The following IL13RA1 variants were observed in gnomAD, a reference collection of about 807,000 sequenced individuals.
IL13RA1 encodes interleukin-13 receptor subunit alpha-1.
Under a neutral mutation model 33.8 loss-of-function variants are expected in IL13RA1, and 14 were observed. The observed-to-expected ratio is 0.41, with a 90% confidence interval of 0.27 to 0.65. The LOEUF (loss-of-function observed/expected upper bound fraction) is 0.65, where lower values mean the gene tolerates loss of function less well. Among genes scored for constraint, IL13RA1 ranks in the 30% least tolerant of loss-of-function variants. The pLI is 0.28. For synonymous variants in IL13RA1, 116 were observed against 115.7 expected, an observed-to-expected ratio of 1.00 and a Z score of -0.02; for missense variants, 313 against 327.0, an observed-to-expected ratio of 0.96 and a Z score of 0.33.
chrX:118,749,823 G>C, intron 4 of IL13RA1, 45 bp downstream of exon 4: 1 of 943,351 alleles, frequency 1.1e-6, no homozygotes, highest in Non-Finnish European at 1.5e-6. Context: ...TTGTAATTGT[G>C]TTGGGAGCCT....
chrX:118,774,497 C>T (rs1246055814), intron 9 of IL13RA1, among the ~76,000 whole-genome samples: 2 of 112,179 alleles, frequency 1.8e-5, no homozygotes, highest in African/African-American at 6.5e-5. Context: ...TTTTCCAGGG[C>T]TCCCTGCTCA....
At chrX:118,804,237 G>A in the IL13RA1 span, among the ~76,000 whole-genome samples, 5 of 110,704 alleles carry the variant, frequency 4.5e-5, no homozygotes, top group Non-Finnish European at 7.5e-5. Flanking sequence ...GATTACAGGC[G>A]TCAGCCACAG....
At chrX:118,754,708 C>A (rs2017507779) in intron 4 of IL13RA1, among the ~76,000 whole-genome samples, 1 of 109,793 alleles carries the variant, frequency 9.1e-6, no homozygotes, top group South Asian at 3.9e-4. Flanking sequence ...AGTCAGTACA[C>A]AGCGCTGGCC....
chrX:118,800,907 C>T, the IL13RA1 span, among the ~76,000 whole-genome samples: 5 of 111,868 alleles, frequency 4.5e-5, no homozygotes, highest in Non-Finnish European at 9.4e-5. Flanking sequence ...CTACCTCAGC[C>T]TTCCGAGTAG....
intron 1 of IL13RA1, among the ~76,000 whole-genome samples, chrX:118,734,189 T>C (rs1569453838): frequency 8.9e-6 from 1 of 112,546 alleles, no homozygotes; most frequent in Non-Finnish European, 1.9e-5. Flanking sequence ...ATTGAATCTA[T>C]ATATCACTTT....
intron 4 of IL13RA1, among the ~76,000 whole-genome samples, chrX:118,755,722 A>G (rs1442284037): frequency 8.9e-6 from 1 of 112,389 alleles, no homozygotes; most frequent in East Asian, 2.8e-4. Flanking sequence ...TCCTTTCATC[A>G]TTAAAAACAA....
Position 118,776,415 on chromosome X carries a change from G to A in IL13RA1, c.1107-12G>A. 1 of 804,482 alleles carries A rather than the reference G, an allele frequency of 1.2e-6. No individual in the cohort carries two copies. The highest frequency in any genetic ancestry group is 1.9e-6 in the Non-Finnish European group (1 of 531,806). The allele number at this position is 804,482 out of a possible 1,213,427, so 66.3% of individuals were successfully genotyped here. Reference sequence around the variant, plus strand: ...TGGAAGGTTTGAATCAAATGTCTCTGTTTTCTTAAAGGCTCAAGATTATTA... The same window carrying A: ...TGGAAGGTTTGAATCAAATGTCTCTATTTTCTTAAAGGCTCAAGATTATTA... On this transcript the variant is annotated splice_polypyrimidine_tract_variant and intron_variant, in intron 9 of 10. Coordinates refer to ENST00000371666, the MANE Select transcript of IL13RA1 (RefSeq NM_001560.3).
intron 1 of IL13RA1, among the ~76,000 whole-genome samples, chrX:118,740,364 A>G (rs1156277327): frequency 8.9e-6 from 1 of 112,238 alleles, no homozygotes; most frequent in East Asian, 2.8e-4. Flanking sequence ...ACTCTTCTCT[A>G]TGGAAGTGGT....
At chrX:118,777,680 C>T (rs2017801053) in intron 10 of IL13RA1, among the ~76,000 whole-genome samples, 1 of 111,651 alleles carries the variant, frequency 9.0e-6, no homozygotes, top group Non-Finnish European at 1.9e-5. Context: ...AGCAGCCCTA[C>T]CCCAACTGTT....
At chrX:118,750,163 G>A (rs2017455743) in intron 4 of IL13RA1, among the ~76,000 whole-genome samples, 1 of 110,817 alleles carries the variant, frequency 9.0e-6, no homozygotes, top group Non-Finnish European at 1.9e-5. Flanking sequence ...GTAGTTGTAT[G>A]CAATTTTATC....
chrX:118,733,202 AT>A (rs1227954212), intron 1 of IL13RA1, among the ~76,000 whole-genome samples: 2 of 111,958 alleles, frequency 1.8e-5, no homozygotes, highest in Non-Finnish European at 3.8e-5. Context: ...TCTATTTGTA[AT>A]TTTTTTGAGG....
intron 10 of IL13RA1, among the ~76,000 whole-genome samples, chrX:118,784,120 T>C (rs1345009518): frequency 5.4e-5 from 1 of 18,543 alleles, no homozygotes; most frequent in African/African-American, 1.9e-4. Flanking sequence ...CGTATATATG[T>C]ATATATATGT....
chrX:118,750,109 A>G (rs967799180), intron 4 of IL13RA1, among the ~76,000 whole-genome samples: 2 of 111,469 alleles, frequency 1.8e-5, no homozygotes, highest in African/African-American at 6.5e-5. Flanking sequence ...CAAAAACCTC[A>G]GTCCTATTTC....
At chrX:118,797,042 G>A (rs1424234539), downstream of IL13RA1, among the ~76,000 whole-genome samples, 1 of 111,918 alleles carries the variant, frequency 8.9e-6, no homozygotes, top group East Asian at 2.8e-4. Context: ...CTCTGTCTGG[G>A]TCTGTTTCCC....
At chrX:118,771,135 C>G (rs1003450400) in intron 8 of IL13RA1, among the ~76,000 whole-genome samples, 3 of 111,948 alleles carry the variant, frequency 2.7e-5, no homozygotes, top group African/African-American at 9.8e-5. Flanking sequence ...TTCTCCAAGT[C>G]CAAGAGTGGA....
chrX:118,752,369 A>T (rs1266879621), intron 4 of IL13RA1, among the ~76,000 whole-genome samples: 1 of 111,360 alleles, frequency 9.0e-6, no homozygotes, highest in Non-Finnish European at 1.9e-5. Context: ...CAAACACAAC[A>T]CTAGATTTCA....
chrX:118,759,776 A>G (rs1342911715), intron 5 of IL13RA1, among the ~76,000 whole-genome samples: 1 of 111,367 alleles, frequency 9.0e-6, no homozygotes, highest in African/African-American at 3.3e-5. Flanking sequence ...TTAAAAATAA[A>G]TTATTTTTTT....
downstream of IL13RA1, among the ~76,000 whole-genome samples, chrX:118,795,000 A>C (rs2018018622): frequency 1.8e-5 from 2 of 110,626 alleles, no homozygotes; most frequent in African/African-American, 6.6e-5. Flanking sequence ...AAGCGGGCTG[A>C]TCATGAGGTC....
the IL13RA1 span, among the ~76,000 whole-genome samples, chrX:118,802,999 G>A: frequency 2.7e-5 from 3 of 111,709 alleles, no homozygotes; most frequent in Non-Finnish European, 3.8e-5. Flanking sequence ...AAACCCTTTC[G>A]TTCAGTGGTT....
Sources: allele counts gnomAD v4.1 joint callset (sites outside exome capture counted in the v4.1 genomes callset), GRCh38; gene constraint gnomAD v4.1.1; transcripts MANE v1.5; gene names NCBI Gene and HGNC (gene_info 2026-07-23, HGNC 2026-07-21).